Variants in NR3C2 observed in about 807,000 individuals in gnomAD.
NR3C2 encodes the protein nuclear receptor subfamily 3 group C member 2.
A neutral mutation model predicts 86.4 loss-of-function variants in NR3C2; 15 were observed. The observed-to-expected ratio is 0.17, with a 90% CI of 0.12 to 0.27. The LOEUF is 0.27. Ranked by LOEUF, NR3C2 falls within the 10% of genes least tolerant of loss-of-function variation. The pLI, the probability that NR3C2 is intolerant of heterozygous loss-of-function variation, is 1.00. For missense variants in NR3C2, 960 were observed against 1,195.6 expected (o/e 0.80, Z 2.91); for synonymous variants, 458 against 450.5 (o/e 1.02, Z -0.21).
chr4:148,278,576 C>T (rs186158138), intron 2 of NR3C2, among the ~76,000 whole-genome samples: 31 of 152,054 alleles, frequency 2.0e-4, no homozygotes, highest in East Asian at 1.2e-3. Flanking sequence ...TGCGTGCGCG[C>T]GCACACACAC....
intron 2 of NR3C2, among the ~76,000 whole-genome samples, chr4:148,306,781 A>G (rs1472888298): frequency 6.6e-6 from 1 of 152,232 alleles, no homozygotes; most frequent in East Asian, 1.9e-4. Flanking sequence ...GCATAATTTC[A>G]CCCTATAAAT....
At position 148,398,850 on chromosome 4, in the gene NR3C2, CG is replaced by C. The variant is rs1747993702; in HGVS notation, c.1757+36253del. ...CCCTGGGTAGTGAGATAAAGAGTAA[CG>C]ATTGTGTACATGTGCATGCGCATGT... On this transcript the variant is annotated intron_variant, in intron 2 of 8. Coordinates refer to ENST00000358102, the MANE Select transcript of NR3C2 (RefSeq NM_000901.5). Among the ~76,000 whole-genome samples, 3 of 152,124 alleles carry C rather than the reference CG, an allele frequency of 2.0e-5. No individual in the cohort carries two copies. In the South Asian group the frequency reaches 6.2e-4, roughly 32 times the overall value.
Position 148,436,532 on chromosome 4 carries a change from T to A in NR3C2, c.329A>T (p.Asp110Val), listed in dbSNP as rs1371497771. Residue 110 changes from aspartate to valine, a missense_variant, in exon 2 of 9, where the codon GAT (aspartate) becomes GTT (valine). By Grantham distance (152) the Asp-to-Val change is radical (BLOSUM62 -3). Transcript: ENST00000358102. ...GGAATAGTCAGCATCTCTTACAGAA[T>A]CCATATATAAACCCATGGACTCAGC... is the stretch of plus-strand genomic sequence containing the variant. ...TVAESMGLYM[D>V]SVRDADYSYE... 1 of 1,614,210 alleles carries A rather than the reference T, an allele frequency of 6.2e-7. No homozygotes were observed. Among genetic ancestry groups the A allele is most frequent in the Admixed American group, 1.7e-5 (1 of 60,020 alleles).
At chr4:148,427,318 A>G (rs1749592558) in intron 2 of NR3C2, among the ~76,000 whole-genome samples, 1 of 152,034 alleles carries the variant, frequency 6.6e-6, no homozygotes, top group African/African-American at 2.4e-5. Context: ...CCGATTTTCC[A>G]CATACTTTAC....
chr4:148,263,908 T>C (rs1239217942), intron 2 of NR3C2, among the ~76,000 whole-genome samples: 1 of 152,250 alleles, frequency 6.6e-6, no homozygotes, highest in East Asian at 1.9e-4. Flanking sequence ...ATTAGTGACT[T>C]GTGCACTTAT....
chr4:148,358,136 A>G (rs949152025), intron 2 of NR3C2, among the ~76,000 whole-genome samples: 3 of 152,184 alleles, frequency 2.0e-5, no homozygotes, highest in Non-Finnish European at 4.4e-5. Flanking sequence ...TACCCAAAGG[A>G]CTATAAATTA....
At chr4:148,242,831 ACTG>A (rs1172379367) in intron 3 of NR3C2, among the ~76,000 whole-genome samples, 1 of 152,208 alleles carries the variant, frequency 6.6e-6, no homozygotes, top group Non-Finnish European at 1.5e-5. Context: ...CAGTGAGTGA[ACTG>A]CTATCACATT....
intron 2 of NR3C2, among the ~76,000 whole-genome samples, chr4:148,406,796 T>C (rs1489544151): frequency 1.3e-5 from 2 of 152,204 alleles, no homozygotes; most frequent in African/African-American, 4.8e-5. Context: ...AAGATAATTA[T>C]TAAGAAAAAA....
At chr4:148,137,489 T>C (rs1733399425) in intron 6 of NR3C2, among the ~76,000 whole-genome samples, 1 of 152,196 alleles carries the variant, frequency 6.6e-6, no homozygotes, top group African/African-American at 2.4e-5. Flanking sequence ...TGTAAGTATT[T>C]TGCTACTAGA....
chr4:148,264,963 T>C (rs1740302674), intron 2 of NR3C2, among the ~76,000 whole-genome samples: 1 of 152,218 alleles, frequency 6.6e-6, no homozygotes, highest in African/African-American at 2.4e-5. Context: ...ATAGATGGTA[T>C]TCTGCATCCC....
intron 4 of NR3C2, among the ~76,000 whole-genome samples, chr4:148,162,231 C>T (rs1190189099): frequency 6.6e-6 from 1 of 152,168 alleles, no homozygotes; most frequent in Non-Finnish European, 1.5e-5. Flanking sequence ...TTCCCCACAA[C>T]AGAAATATAC....
intron 8 of NR3C2, among the ~76,000 whole-genome samples, chr4:148,113,003 C>T (rs1158785225): frequency 6.6e-6 from 1 of 152,176 alleles, no homozygotes; most frequent in African/African-American, 2.4e-5. Context: ...ATATGAAGAA[C>T]TAAATTAGCA....
intron 2 of NR3C2, among the ~76,000 whole-genome samples, chr4:148,401,834 G>A (rs1359921235): frequency 1.3e-5 from 2 of 152,084 alleles, no homozygotes; most frequent in African/African-American, 4.8e-5. Context: ...TTGGGACCAG[G>A]AGGATAAGGC....
intron 8 of NR3C2, among the ~76,000 whole-genome samples, chr4:148,085,678 C>CA (rs983799997): frequency 7.3e-5 from 11 of 151,710 alleles, no homozygotes; most frequent in Non-Finnish European, 1.3e-4. Flanking sequence ...AAAAATCCTT[C>CA]AAAAAAATCA....
intron 2 of NR3C2, among the ~76,000 whole-genome samples, chr4:148,397,618 T>C (rs940421026): frequency 1.6e-4 from 24 of 152,192 alleles, no homozygotes; most frequent in African/African-American, 4.8e-4. Context: ...ACAATTCTAA[T>C]ACAAAAAACT....
chr4:148,416,388 C>CA (rs1417847132), intron 2 of NR3C2, among the ~76,000 whole-genome samples: 1 of 152,194 alleles, frequency 6.6e-6, no homozygotes, highest in Non-Finnish European at 1.5e-5. Flanking sequence ...CTAACTAACT[C>CA]AGTCCTTATA....
intron 4 of NR3C2, among the ~76,000 whole-genome samples, chr4:148,175,297 T>C (rs760003752): frequency 3.9e-5 from 6 of 152,194 alleles, no homozygotes; most frequent in Non-Finnish European, 8.8e-5. Context: ...CCTGGTGAAC[T>C]GGTGCACAAC....
chr4:148,322,330 C>CT (rs1743654245), intron 2 of NR3C2, among the ~76,000 whole-genome samples: 1 of 145,232 alleles, frequency 6.9e-6, no homozygotes. Context: ...TTCATTTCAA[C>CT]TTTGGTGAAT....
intron 2 of NR3C2, among the ~76,000 whole-genome samples, chr4:148,432,672 T>C (rs570758834): frequency 9.9e-5 from 15 of 152,272 alleles, no homozygotes; most frequent in African/African-American, 3.6e-4. Context: ...CTATTCAACA[T>C]TCCCTGAAAT....
Sources: gnomAD v4.1 joint callset for allele counts (sites outside exome capture counted in the v4.1 genomes callset) on GRCh38, gnomAD v4.1.1 for gene constraint, MANE v1.5 for transcripts, NCBI Gene and HGNC (gene_info 2026-07-23, HGNC 2026-07-21) for gene names.